Variants in SPMIP11 observed in about 807,000 individuals in gnomAD.
The protein encoded by SPMIP11 is long intergenic non-protein coding RNA 935.
the SPMIP11 span, among the ~76,000 whole-genome samples, chr12:48,764,494 A>C: frequency 6.6e-6 from 1 of 152,206 alleles, no homozygotes; most frequent in Non-Finnish European, 1.5e-5. Flanking sequence ...GAAGAGAATG[A>C]GGATGATTAA....
chr12:48,765,058 T>C, the SPMIP11 span: 1 of 654,568 alleles, frequency 1.5e-6, no homozygotes, highest in Admixed American at 2.3e-5. Flanking sequence ...TCACTTTAAT[T>C]CTTAGAGATT....
At chr12:48,728,712 A>G in the SPMIP11 span, among the ~76,000 whole-genome samples, 1 of 145,762 alleles carries the variant, frequency 6.9e-6, no homozygotes, top group Non-Finnish European at 1.6e-5. Flanking sequence ...TGTCTCAAAA[A>G]AAAAAAAAAA....
the SPMIP11 span, among the ~76,000 whole-genome samples, chr12:48,769,775 T>TG: frequency 6.8e-5 from 10 of 147,840 alleles, no homozygotes; most frequent in African/African-American, 1.8e-4. Flanking sequence ...TTTTTTTTTT[T>TG]GGGGGGGACA....
chr12:48,738,581 C>CTGGAGTCCA, the SPMIP11 span, among the ~76,000 whole-genome samples: 97 of 150,460 alleles, frequency 6.4e-4, no homozygotes, highest in Non-Finnish European at 1.8e-4. Context: ...GTCCTCCAGG[C>CTGGAGTCCA]TGGAGTCCAG....
the SPMIP11 span, chr12:48,771,362 TC>T: frequency 8.2e-6 from 4 of 490,372 alleles, no homozygotes; most frequent in Non-Finnish European, 7.5e-6. This position sits in a 1 kb window ranked among gnomAD's most constrained non-coding sequence, Gnocchi z 4.3. Context: ...GCTTCAATTT[TC>T]TCTATTCAGA....
chr12:48,756,316 CCA>C, the SPMIP11 span, among the ~76,000 whole-genome samples: 2 of 152,140 alleles, frequency 1.3e-5, no homozygotes, highest in Non-Finnish European at 2.9e-5. Context: ...CAAATCAGCC[CCA>C]TGGTTCAGTC....
the SPMIP11 span, among the ~76,000 whole-genome samples, chr12:48,735,307 T>C: frequency 1.3e-5 from 2 of 152,104 alleles, no homozygotes; most frequent in African/African-American, 4.8e-5. Context: ...TGTGAGATTA[T>C]AAATAGATGT....
chr12:48,753,189 G>A, the SPMIP11 span, among the ~76,000 whole-genome samples: 1 of 152,210 alleles, frequency 6.6e-6, no homozygotes. Flanking sequence ...ATCTCTGCGA[G>A]ATTTGGGTGG....
At chr12:48,767,302 G>C in the SPMIP11 span, 1 of 152,570 alleles carries the variant, frequency 6.6e-6, no homozygotes, top group Non-Finnish European at 1.5e-5. Flanking sequence ...CATGGCCCCC[G>C]AACGGCACTT....
the SPMIP11 span, chr12:48,759,237 TC>T: frequency 2.8e-6 from 2 of 702,740 alleles, no homozygotes; most frequent in East Asian, 2.7e-5. Context: ...CTACTAGGCT[TC>T]CCCCCATTAT....
the SPMIP11 span, among the ~76,000 whole-genome samples, chr12:48,754,448 A>G: frequency 6.6e-6 from 1 of 151,748 alleles, no homozygotes; most frequent in Admixed American, 6.6e-5. Context: ...CACTGCACCC[A>G]GCCTGAGGCA....
chr12:48,764,714 ACACTC>A, the SPMIP11 span: 511 of 592,322 alleles, frequency 8.6e-4, no homozygotes, highest in African/African-American at 8.4e-3. Context: ...TGTGGTGACC[ACACTC>A]CCAGGACCTC....
At chr12:48,761,764 G>A in the SPMIP11 span, among the ~76,000 whole-genome samples, 1 of 116,286 alleles carries the variant, frequency 8.6e-6, no homozygotes, top group East Asian at 2.4e-4. Flanking sequence ...TCACTCTGTT[G>A]CCCAGGCTGA....
At chr12:48,761,199 C>T in the SPMIP11 span, among the ~76,000 whole-genome samples, 1 of 151,954 alleles carries the variant, frequency 6.6e-6, no homozygotes, top group Admixed American at 6.6e-5. Context: ...GTAATCCCAG[C>T]ACTTTAGGAA....
the SPMIP11 span, among the ~76,000 whole-genome samples, chr12:48,737,476 G>A: frequency 2.7e-5 from 4 of 148,344 alleles, no homozygotes; most frequent in Non-Finnish European, 4.5e-5. Flanking sequence ...GTGCAGTGGC[G>A]TGATCTCGGC....
the SPMIP11 span, among the ~76,000 whole-genome samples, chr12:48,748,845 A>T: frequency 5.4e-4 from 83 of 152,302 alleles, no homozygotes; most frequent in African/African-American, 1.8e-3. Flanking sequence ...TCATGAATGA[A>T]TGGCCCACGC....
the SPMIP11 span, among the ~76,000 whole-genome samples, chr12:48,752,066 C>CA: frequency 0.38 from 38,409 of 100,370 alleles, 6,905 homozygotes; most frequent in Non-Finnish European, 0.49. Flanking sequence ...GACTCTGCCT[C>CA]AAAAAAAAAA....
the SPMIP11 span, chr12:48,764,705 G>A: frequency 8.5e-6 from 5 of 589,126 alleles, no homozygotes; most frequent in Non-Finnish European, 1.5e-5. Flanking sequence ...GAAGCAGGGT[G>A]TGGTGACCAC....
At chr12:48,757,189 T>C in the SPMIP11 span, among the ~76,000 whole-genome samples, 1 of 152,098 alleles carries the variant, frequency 6.6e-6, no homozygotes, top group African/African-American at 2.4e-5. Flanking sequence ...GACAGAAATC[T>C]TGAAGCCACC....
Sources: allele counts gnomAD v4.1 joint callset (sites outside exome capture counted in the v4.1 genomes callset), GRCh38; gene constraint gnomAD v4.1.1; non-coding constraint Gnocchi (gnomAD v3.1); transcripts MANE v1.5; gene names NCBI Gene and HGNC (gene_info 2026-07-23, HGNC 2026-07-21).